The following RTN4RL2 variants were observed in gnomAD, a reference collection of about 807,000 sequenced individuals.
The protein encoded by RTN4RL2 is reticulon-4 receptor-like 2.
A neutral mutation model predicts 27.8 loss-of-function variants in RTN4RL2; 9 were observed. That is an observed-to-expected ratio of 0.32 (90% CI 0.20 to 0.57). RTN4RL2 has a LOEUF of 0.57. Among genes scored for constraint, RTN4RL2 ranks in the 20% least tolerant of loss-of-function variants. RTN4RL2 has a pLI of 0.90. For synonymous variants in RTN4RL2, 285 were observed against 297.9 expected (o/e 0.96, Z 0.45); for missense variants, 436 against 596.8 (o/e 0.73, Z 2.81).
rs768267671 is a variant in RTN4RL2, at chr11:57,467,416, G to A, written c.32-193G>A. On this transcript the variant is annotated intron_variant, in intron 1 of 2. Transcript: ENST00000335099. This position sits in a 1 kb window ranked among gnomAD's most constrained non-coding sequence, Gnocchi z 5.5. ...CTTGTAAAGACAGGGATCTCCCTATGTTGCCCAGGATAGTCTCAAACTCCT... is the reference window on the plus strand; with the variant it reads ...CTTGTAAAGACAGGGATCTCCCTATATTGCCCAGGATAGTCTCAAACTCCT... 6.6e-5 allele frequency among the ~76,000 whole-genome samples: 10 copies of A among 151,168 alleles called. No homozygotes were observed. The highest frequency in any genetic ancestry group is 1.2e-4 in the Non-Finnish European group (8 of 67,840).
At chr11:57,473,601 G>T (rs952189245) in intron 2 of RTN4RL2, among the ~76,000 whole-genome samples, 1 of 128,284 alleles carries the variant, frequency 7.8e-6, no homozygotes, top group African/African-American at 2.9e-5. Context: ...GGGAGGGGCG[G>T]GGGGAGGGCT....
At chr11:57,463,746 CA>C (rs1246177762) in intron 1 of RTN4RL2, among the ~76,000 whole-genome samples, 2 of 151,868 alleles carry the variant, frequency 1.3e-5, no homozygotes, top group Non-Finnish European at 2.9e-5. Flanking sequence ...GGAGTGAGAA[CA>C]GGGGGTGGGG....
At chr11:57,462,954 T>C (rs528042970) in intron 1 of RTN4RL2, among the ~76,000 whole-genome samples, 6 of 152,348 alleles carry the variant, frequency 3.9e-5, no homozygotes, top group African/African-American at 1.2e-4. Flanking sequence ...AGACTCAGCA[T>C]TGTGGCTGGC....
intron 1 of RTN4RL2, among the ~76,000 whole-genome samples, chr11:57,464,960 CTGAG>C (rs971261276): frequency 2.0e-5 from 3 of 152,150 alleles, no homozygotes; most frequent in East Asian, 1.9e-4. Context: ...CGCTGTGTCA[CTGAG>C]TATTACATCA....
rs1457182063 is a variant in RTN4RL2 at position 57,460,836 on chromosome 11, G to C, written c.-30G>C. 1.5e-6 allele frequency: 2 copies of C among 1,377,792 alleles called. No individual in the cohort carries two copies. Among genetic ancestry groups the C allele is most frequent in the Non-Finnish European group, 1.9e-6 (2 of 1,045,962 alleles). The allele number at this position is 1,377,792 out of a possible 1,614,324, so 85.3% of individuals were successfully genotyped here. On this transcript the variant is annotated 5_prime_UTR_variant, in exon 1 of 3. Coordinates refer to ENST00000335099, the MANE Select transcript of RTN4RL2 (RefSeq NM_178570.3). ...GAGCGAGTGGGAGCGCCCTCCCCCCGCTGCCCCCTCCCCCGAGCATCGAGA... is the reference window on the plus strand; with the variant it reads ...GAGCGAGTGGGAGCGCCCTCCCCCCCCTGCCCCCTCCCCCGAGCATCGAGA...
At chr11:57,460,961 T>A in intron 1 of RTN4RL2, 65 bp downstream of exon 1, 1 of 1,066,264 alleles carries the variant, frequency 9.4e-7, no homozygotes. Context: ...GTCCCCTCTT[T>A]CAGGGATTGA....
At chr11:57,472,695 G>A (rs1457845938) in intron 2 of RTN4RL2, among the ~76,000 whole-genome samples, 4 of 152,206 alleles carry the variant, frequency 2.6e-5, no homozygotes, top group Admixed American at 2.6e-4. Flanking sequence ...GAGGATTAAA[G>A]GAGATACTAC....
chr11:57,468,216 C>A, intron 2 of RTN4RL2, 126 bp downstream of exon 2: 1 of 989,784 alleles, frequency 1.0e-6, no homozygotes, highest in Non-Finnish European at 1.5e-6. Context: ...CTCAGCATCT[C>A]CATTTCTCTC....
rs1943537686 is a variant in RTN4RL2 at position 57,467,887 on chromosome 11, C to T, written c.310C>T (p.His104Tyr). 6.2e-7 allele frequency: 1 copy of T among 1,614,002 alleles called. No individual in the cohort carries two copies. The highest frequency in any genetic ancestry group is 1.3e-5 in the African/African-American group (1 of 74,944). The change falls in exon 2 of 3, where the codon CAC (histidine) becomes TAC (tyrosine). Residue 104 changes from histidine to tyrosine, a missense_variant. Transcript: ENST00000335099. The surrounding 1 kb of genome is among the most constrained non-coding windows in gnomAD (Gnocchi z 5.5). The stretch of plus-strand genomic sequence containing the variant: ...CACCATCTACCCGGGCACTTTCCGC[C>T]ACTTGCAAGCCCTGGAGGAGCTGGA... ...LSTIYPGTFR[H>Y]LQALEELDLG...
intron 1 of RTN4RL2, among the ~76,000 whole-genome samples, chr11:57,464,423 G>A (rs748851266): frequency 7.2e-5 from 11 of 152,192 alleles, no homozygotes; most frequent in Non-Finnish European, 1.5e-4. Flanking sequence ...AGGGGCTAGC[G>A]GCCATCAGGG....
intron 1 of RTN4RL2, among the ~76,000 whole-genome samples, chr11:57,465,733 AAT>A (rs1425663784): frequency 2.0e-5 from 3 of 152,236 alleles, no homozygotes; most frequent in Non-Finnish European, 4.4e-5. Flanking sequence ...CCCCTATTAA[AAT>A]ATGAGTACAG....
At chr11:57,474,587 C>T (rs1943585354) in intron 2 of RTN4RL2, among the ~76,000 whole-genome samples, 1 of 152,190 alleles carries the variant, frequency 6.6e-6, no homozygotes, top group Non-Finnish European at 1.5e-5. Context: ...ACAGTGATGC[C>T]CTGCACAAGA....
In RTN4RL2 at chr11:57,467,396, A is replaced by AAGG. The variant is rs1412106607; in HGVS notation, c.32-212_32-211insGGA. Among the ~76,000 whole-genome samples the AAGG allele has an allele frequency of 6.6e-6, 1 of 150,696 alleles. No homozygotes were observed. The highest frequency in any genetic ancestry group is 2.0e-4 in the East Asian group (1 of 5,110). On this transcript the variant is annotated intron_variant, in intron 1 of 2. Transcript: ENST00000335099. The surrounding 1 kb of genome is among the most constrained non-coding windows in gnomAD (Gnocchi z 5.5). The stretch of plus-strand genomic sequence containing the variant: ...TGGCTAATTTTTTTTTTTTTCTTGT[A>AAGG]AAGACAGGGATCTCCCTATGTTGCC...
chr11:57,473,104 C>G (rs922746349), intron 2 of RTN4RL2, among the ~76,000 whole-genome samples: 1 of 152,222 alleles, frequency 6.6e-6, no homozygotes, highest in African/African-American at 2.4e-5. Flanking sequence ...ACCTGCTTGA[C>G]AATGCTGACG....
At chr11:57,466,702 G>A (rs1943527975) in intron 1 of RTN4RL2, among the ~76,000 whole-genome samples, 1 of 152,154 alleles carries the variant, frequency 6.6e-6, no homozygotes, top group Non-Finnish European at 1.5e-5. Flanking sequence ...GGGCTGGCAA[G>A]ACCAGACCCC....
intron 2 of RTN4RL2, 86 bp downstream of exon 2, chr11:57,468,176 C>T: frequency 7.2e-7 from 1 of 1,391,662 alleles, no homozygotes; most frequent in Non-Finnish European, 9.7e-7. Context: ...GGCGTGCGTC[C>T]CTCCTCTCTC....
At chr11:57,462,715 G>C (rs1444741619) in intron 1 of RTN4RL2, among the ~76,000 whole-genome samples, 5 of 152,254 alleles carry the variant, frequency 3.3e-5, no homozygotes, top group Admixed American at 6.5e-5. Flanking sequence ...TCAGTGAACA[G>C]ATACTTTTGG....
chr11:57,463,898 C>T (rs145688527), intron 1 of RTN4RL2, among the ~76,000 whole-genome samples: 125 of 152,196 alleles, frequency 8.2e-4, no homozygotes, highest in South Asian at 1.7e-3. Context: ...GCTCCAGCCC[C>T]AGCAGGCCTG....
In RTN4RL2 at chr11:57,474,003, A is replaced by G. The variant is rs561117062; in HGVS notation, c.514-2159A>G. Among the ~76,000 whole-genome samples, 5 of 150,858 alleles carry G rather than the reference A, an allele frequency of 3.3e-5. No individual in the cohort carries two copies. In the South Asian group the frequency reaches 1.0e-3, roughly 32 times the overall value. On this transcript the variant is annotated intron_variant, in intron 2 of 2. Coordinates refer to ENST00000335099, the MANE Select transcript of RTN4RL2 (RefSeq NM_178570.3). Reference sequence around the variant, plus strand: ...CCCCTTATCGATCCTCTGACCATACATCTCTGGGTGTGTCCTACTCTTGCT... The same window carrying G: ...CCCCTTATCGATCCTCTGACCATACGTCTCTGGGTGTGTCCTACTCTTGCT...
Sources: allele counts gnomAD v4.1 joint callset (sites outside exome capture counted in the v4.1 genomes callset), GRCh38; gene constraint gnomAD v4.1.1; non-coding constraint Gnocchi (gnomAD v3.1); transcripts MANE v1.5; gene names NCBI Gene and HGNC (gene_info 2026-07-23, HGNC 2026-07-21).